STOX1: variants seen among roughly 807,000 people sequenced by gnomAD.
STOX1 encodes storkhead box 1, also known as storkhead-box protein 1.
In STOX1, 57 loss-of-function variants were observed where a neutral mutation model predicts 74.8. That is an observed-to-expected ratio of 0.76 (90% CI 0.62 to 0.95). STOX1 has a LOEUF of 0.95. STOX1 is among the 40% of genes least tolerant of loss of function. The probability of loss-of-function intolerance (pLI) is 0.00; values close to 1 mark genes in which losing one functional copy is unlikely to be tolerated. For synonymous variants in STOX1, 375 were observed against 401.3 expected (o/e 0.93, Z 0.78); for missense variants, 1,010 against 1,117.0 (o/e 0.90, Z 1.37).
intron 3 of STOX1, among the ~76,000 whole-genome samples, chr10:68,888,074 C>T (rs371208274): frequency 5.9e-5 from 9 of 151,688 alleles, no homozygotes; most frequent in East Asian, 1.9e-4. Context: ...CACACACACG[C>T]GCGCACACAC....
At chr10:68,854,841 C>A (rs768341378) in intron 1 of STOX1, among the ~76,000 whole-genome samples, 1 of 152,066 alleles carries the variant, frequency 6.6e-6, no homozygotes, top group African/African-American at 2.4e-5. Flanking sequence ...TAAGACATTA[C>A]CTTCTAGGCA....
intron 1 of STOX1, among the ~76,000 whole-genome samples, chr10:68,877,734 T>C (rs879831306): frequency 6.6e-6 from 1 of 152,170 alleles, no homozygotes; most frequent in Non-Finnish European, 1.5e-5. Context: ...TCTCTTTCAG[T>C]GTTCTCCCCC....
chr10:68,892,739 T>C lies in STOX1; in HGVS notation c.*3T>C. The stretch of plus-strand genomic sequence containing the variant: ...TAACTCCAGTCATAAACGTTTAATT[T>C]TCTTTTGGAAACCTACTTTTTTCTT... On this transcript the variant is annotated 3_prime_UTR_variant, in exon 4 of 4. Coordinates refer to ENST00000298596, the MANE Select transcript of STOX1 (RefSeq NM_152709.5). The C allele has an allele frequency of 6.2e-7, 1 of 1,613,596 alleles. No homozygotes were observed. The highest frequency in any genetic ancestry group is 2.2e-5 in the East Asian group (1 of 44,810).
intron 3 of STOX1, among the ~76,000 whole-genome samples, chr10:68,888,592 G>A (rs2132003417): frequency 6.7e-6 from 1 of 149,612 alleles, no homozygotes; most frequent in South Asian, 2.1e-4. Flanking sequence ...GTTTCTCAAA[G>A]GTCATTCTAA....
At chr10:68,889,448 AC>A (rs1159255064) in intron 3 of STOX1, among the ~76,000 whole-genome samples, 1 of 151,970 alleles carries the variant, frequency 6.6e-6, no homozygotes, top group Admixed American at 6.6e-5. Context: ...TGAGCCCTGT[AC>A]CAGGGCTTAA....
chr10:68,866,599 A>G (rs1051138472), intron 1 of STOX1, among the ~76,000 whole-genome samples: 12 of 152,288 alleles, frequency 7.9e-5, no homozygotes, highest in African/African-American at 2.9e-4. Flanking sequence ...TCCCCATTAC[A>G]ATCCCAGTCA....
chr10:68,846,557 G>C (rs1447496529), intron 1 of STOX1, among the ~76,000 whole-genome samples: 2 of 152,118 alleles, frequency 1.3e-5, no homozygotes. Flanking sequence ...TTGTCAAATA[G>C]CAATTGACCA....
At chr10:68,850,718 A>G (rs1839962968) in intron 1 of STOX1, among the ~76,000 whole-genome samples, 1 of 152,268 alleles carries the variant, frequency 6.6e-6, no homozygotes, top group Admixed American at 6.5e-5. Flanking sequence ...TCACGCCTGT[A>G]ATCCCAGCAC....
intron 1 of STOX1, among the ~76,000 whole-genome samples, chr10:68,836,394 A>C (rs1839554631): frequency 2.6e-5 from 4 of 152,222 alleles, no homozygotes; most frequent in Non-Finnish European, 5.9e-5. Context: ...TGGAGGAAGA[A>C]GAGAATGGGT....
At position 68,885,818 on chromosome 10, in the gene STOX1, C is replaced by T. The variant is rs1789969968; in HGVS notation, c.2022C>T (p.Tyr674=). The T allele has an allele frequency of 6.2e-7, 1 of 1,613,922 alleles. No homozygotes were observed. The highest frequency in any genetic ancestry group is 1.7e-5 in the Admixed American group (1 of 60,004). The change falls in exon 3 of 4, where the codon TAC becomes TAT. Residue 674 remains tyrosine (Y), a synonymous_variant. Coordinates refer to ENST00000298596, the MANE Select transcript of STOX1 (RefSeq NM_152709.5). ...HQFQNLGLLD[Y]PVGVNPLRQA... Reference sequence around the variant, plus strand: ...TTCAAAATCTTGGCCTTTTGGATTACCCAGTTGGCGTGAACCCTTTAAGAC... The same window carrying T: ...TTCAAAATCTTGGCCTTTTGGATTATCCAGTTGGCGTGAACCCTTTAAGAC...
At chr10:68,845,833 T>C (rs1839830118) in intron 1 of STOX1, among the ~76,000 whole-genome samples, 2 of 149,628 alleles carry the variant, frequency 1.3e-5, no homozygotes. Flanking sequence ...AACTCCTAAC[T>C]TCAGGTGATC....
chr10:68,830,232 A>G lies in STOX1; in HGVS notation c.310+2299A>G, dbSNP rs550441708. ...CACAACTCAGGATGCAGTGGACACT[A>G]TGACCCCATCTGTGGGGTGTGCAAC... On this transcript the variant is annotated intron_variant, in intron 1 of 3. Coordinates refer to ENST00000298596, the MANE Select transcript of STOX1 (RefSeq NM_152709.5). Among the ~76,000 whole-genome samples the G allele has an allele frequency of 2.6e-5, 4 of 152,300 alleles. 1 individual carries two copies. The South Asian group carries it at 6.2e-4, about 24-fold the overall frequency.
At chr10:68,832,679 A>C (rs1191732235) in intron 1 of STOX1, among the ~76,000 whole-genome samples, 1 of 151,314 alleles carries the variant, frequency 6.6e-6, no homozygotes, top group Non-Finnish European at 1.5e-5. Flanking sequence ...AAAAAAAAAG[A>C]AAGCACCAAG....
At chr10:68,861,897 C>T (rs1840276719) in intron 1 of STOX1, among the ~76,000 whole-genome samples, 1 of 151,958 alleles carries the variant, frequency 6.6e-6, no homozygotes, top group East Asian at 1.9e-4. Flanking sequence ...TTTTTCTATT[C>T]ATGCTCTGAT....
chr10:68,887,227 T>C lies in STOX1; in HGVS notation c.2822+609T>C, dbSNP rs552123980. ...CACTTTCTGAACTGAGGGTTGGAAGTTTTCACTTCTATTCCTGGCTCTACA... is the reference window on the plus strand; with the variant it reads ...CACTTTCTGAACTGAGGGTTGGAAGCTTTCACTTCTATTCCTGGCTCTACA... On this transcript the variant is annotated intron_variant, in intron 3 of 3. Transcript: ENST00000298596. Among the ~76,000 whole-genome samples the C allele has an allele frequency of 4.7e-4, 72 of 152,276 alleles. 2 individuals are homozygous for C. In the South Asian group the frequency reaches 0.014, roughly 29 times the overall value.
rs371649774 is a variant in STOX1, at chr10:68,831,265, G to A, written c.310+3332G>A. Reference sequence around the variant, plus strand: ...TGCAATGGCGCAATCTCAGCTCACCGCAACCTTCACCTTCTGGGTTCATGC... The same window carrying A: ...TGCAATGGCGCAATCTCAGCTCACCACAACCTTCACCTTCTGGGTTCATGC... On this transcript the variant is annotated intron_variant, in intron 1 of 3. Coordinates refer to ENST00000298596, the MANE Select transcript of STOX1 (RefSeq NM_152709.5). Among the ~76,000 whole-genome samples the A allele has an allele frequency of 4.8e-4, 73 of 152,164 alleles. 1 individual carries two copies. The highest frequency in any genetic ancestry group is 1.5e-3 in the African/African-American group (64 of 41,520).
chr10:68,850,653 G>C (rs1839960974), intron 1 of STOX1, among the ~76,000 whole-genome samples: 1 of 152,182 alleles, frequency 6.6e-6, no homozygotes, highest in Non-Finnish European at 1.5e-5. Context: ...GGTCATTGTG[G>C]TGGTGCACAA....
intron 1 of STOX1, among the ~76,000 whole-genome samples, chr10:68,829,475 C>A (rs1389741616): frequency 6.6e-6 from 1 of 152,110 alleles, no homozygotes; most frequent in African/African-American, 2.4e-5. Context: ...CGACATCAGG[C>A]CATTGCACTC....
At chr10:68,838,841 C>T (rs544572949) in intron 1 of STOX1, among the ~76,000 whole-genome samples, 5 of 150,174 alleles carry the variant, frequency 3.3e-5, no homozygotes, top group South Asian at 2.1e-4. Context: ...ACCCAGGAGG[C>T]GGAGGTTGCA....
Sources: allele counts gnomAD v4.1 joint callset (sites outside exome capture counted in the v4.1 genomes callset), GRCh38; gene constraint gnomAD v4.1.1; transcripts MANE v1.5; gene names NCBI Gene and HGNC (gene_info 2026-07-23, HGNC 2026-07-21).